NAV3: variants seen among roughly 807,000 people sequenced by gnomAD.
The protein encoded by NAV3 is pore membrane and/or filament interacting like protein 1.
A neutral mutation model predicts 244.7 loss-of-function variants in NAV3; 87 were observed. The observed-to-expected ratio is 0.36, with a 90% CI of 0.30 to 0.42. NAV3 has a LOEUF of 0.42. NAV3 is among the 20% of genes least tolerant of loss of function. The probability of loss-of-function intolerance (pLI) is 1.00; values close to 1 mark genes in which losing one functional copy is unlikely to be tolerated. For missense variants in NAV3, 2,663 were observed against 2,893.3 expected (o/e 0.92, Z 1.83); for synonymous variants, 1,126 against 1,042.2 (o/e 1.08, Z -1.55).
chr12:77,953,625 A>G (rs1891100350), intron 3 of NAV3, among the ~76,000 whole-genome samples: 1 of 152,108 alleles, frequency 6.6e-6, no homozygotes, highest in Non-Finnish European at 1.5e-5. Context: ...TCCTCTCCCT[A>G]TTTTGCAACA....
At chr12:77,676,830 C>A (rs1401095999) in intron 2 of NAV3, among the ~76,000 whole-genome samples, 1 of 151,928 alleles carries the variant, frequency 6.6e-6, no homozygotes, top group East Asian at 1.9e-4. Context: ...GCCCCCTCCC[C>A]TCCAAAAAAA....
chr12:78,192,289 G>A (rs1318259418), intron 34 of NAV3, among the ~76,000 whole-genome samples: 4 of 152,060 alleles, frequency 2.6e-5, no homozygotes, highest in Non-Finnish European at 5.9e-5. Flanking sequence ...GTACTTCATT[G>A]CAAAATAATG....
intron 23 of NAV3, among the ~76,000 whole-genome samples, chr12:78,160,474 T>C (rs775372167): frequency 2.0e-5 from 3 of 151,770 alleles, no homozygotes; most frequent in Non-Finnish European, 2.9e-5. Context: ...AGCTTTCATC[T>C]AATTCTCAAA....
intron 11 of NAV3, chr12:78,052,341 A>G (rs1449036334): frequency 1.3e-5 from 2 of 152,186 alleles, no homozygotes; most frequent in East Asian, 1.9e-4. Flanking sequence ...AGAATTATAG[A>G]GACTAATTAT....
intron 3 of NAV3, among the ~76,000 whole-genome samples, chr12:77,947,747 T>C (rs1890499588): frequency 1.3e-5 from 2 of 152,036 alleles, no homozygotes; most frequent in South Asian, 2.1e-4. Flanking sequence ...TTATACAAAC[T>C]TCGCAAAAAT....
At chr12:78,182,262 C>A (rs1431925870) in intron 30 of NAV3, among the ~76,000 whole-genome samples, 1 of 151,916 alleles carries the variant, frequency 6.6e-6, no homozygotes, top group Non-Finnish European at 1.5e-5. Flanking sequence ...AAAGAAAGAA[C>A]GCAAATGTTT....
chr12:77,646,054 G>T (rs548250663), intron 2 of NAV3, among the ~76,000 whole-genome samples: 17 of 151,984 alleles, frequency 1.1e-4, no homozygotes, highest in Non-Finnish European at 2.1e-4. Flanking sequence ...TTTACTTAAG[G>T]TATACAACAT....
At chr12:78,086,019 A>T (rs531112562) in intron 12 of NAV3, among the ~76,000 whole-genome samples, 1 of 152,114 alleles carries the variant, frequency 6.6e-6, no homozygotes, top group Non-Finnish European at 1.5e-5. Context: ...CTTCCTGCTC[A>T]GCCATTTTGT....
intron 30 of NAV3, 86 bp downstream of exon 30, chr12:78,181,131 C>T: frequency 8.1e-7 from 1 of 1,239,150 alleles, no homozygotes; most frequent in Non-Finnish European, 1.1e-6. Flanking sequence ...ACTTTACGTA[C>T]TCTTAAAAAT....
intron 2 of NAV3, among the ~76,000 whole-genome samples, chr12:77,599,648 G>A (rs1870330661): frequency 6.6e-6 from 1 of 151,602 alleles, no homozygotes; most frequent in African/African-American, 2.4e-5. Flanking sequence ...ATGTGTTCAA[G>A]TATTTTCAAA....
At chr12:77,813,466 A>G (rs1466037589) in intron 2 of NAV3, among the ~76,000 whole-genome samples, 2 of 152,192 alleles carry the variant, frequency 1.3e-5, no homozygotes, top group African/African-American at 4.8e-5. Context: ...GAAGACCCTG[A>G]AGAAATTGCC....
chr12:78,154,327 T>TATAATATATATATACTAC lies in NAV3; in HGVS notation c.4786-4873_4786-4872insATATATATATACTACATA, dbSNP rs1295709849. Among the ~76,000 whole-genome samples the TATAATATATATATACTAC allele has an allele frequency of 3.9e-3, 289 of 73,834 alleles. 2 individuals carry two copies. The highest frequency in any genetic ancestry group is 0.012 in the African/African-American group (276 of 22,612). 48.4% of individuals were successfully genotyped at this position (73,834 alleles called of 152,430 possible). ...TATAATATATAGTATATATATAGTA[T>TATAATATATATATACTAC]ATATTATATAGTAATATATTACTAT... On this transcript the variant is annotated intron_variant, in intron 22 of 39. Coordinates refer to ENST00000397909, the MANE Select transcript of NAV3 (RefSeq NM_001024383.2).
intron 24 of NAV3, among the ~76,000 whole-genome samples, chr12:78,173,863 C>A (rs2139625041): frequency 6.6e-6 from 1 of 151,618 alleles, no homozygotes; most frequent in East Asian, 1.9e-4. Flanking sequence ...CACATATACA[C>A]ACACACATAT....
chr12:77,986,392 T>C (rs1481898691), intron 5 of NAV3, among the ~76,000 whole-genome samples: 1 of 152,104 alleles, frequency 6.6e-6, no homozygotes, highest in Admixed American at 6.6e-5. Flanking sequence ...GTAGAATGAA[T>C]AAGAAAATTA....
intron 2 of NAV3, among the ~76,000 whole-genome samples, chr12:77,750,451 G>C (rs558018581): frequency 6.6e-6 from 1 of 152,116 alleles, no homozygotes; most frequent in South Asian, 2.1e-4. Flanking sequence ...AGGATTGTTT[G>C]AGGTCAGGAG....
chr12:77,974,284 T>C (rs558566523), intron 5 of NAV3, among the ~76,000 whole-genome samples: 84 of 152,072 alleles, frequency 5.5e-4, no homozygotes, highest in Non-Finnish European at 1.1e-3. Context: ...TTTGTTGTTT[T>C]GTTTTGTTTT....
At chr12:78,054,899 T>C (rs147055536) in intron 11 of NAV3, among the ~76,000 whole-genome samples, 2,279 of 152,076 alleles carry the variant, frequency 0.015, 55 homozygotes, top group African/African-American at 0.052. Flanking sequence ...CGGTGAGATA[T>C]GAAGATTGTT....
intron 1 of NAV3, among the ~76,000 whole-genome samples, chr12:77,938,217 G>A (rs1285399003): frequency 6.6e-6 from 1 of 152,020 alleles, no homozygotes; most frequent in East Asian, 1.9e-4. Context: ...GTTAAGAAGG[G>A]GAGTGTGCTC....
At chr12:77,695,328 A>G (rs1875245918) in intron 2 of NAV3, among the ~76,000 whole-genome samples, 1 of 152,154 alleles carries the variant, frequency 6.6e-6, no homozygotes, top group African/African-American at 2.4e-5. Flanking sequence ...ATTTTTGTAT[A>G]TGGCAAGAGA....
Sources: allele counts gnomAD v4.1 joint callset (sites outside exome capture counted in the v4.1 genomes callset), GRCh38; gene constraint gnomAD v4.1.1; transcripts MANE v1.5; gene names NCBI Gene and HGNC (gene_info 2026-07-23, HGNC 2026-07-21).